Variants in QRICH2 observed in about 807,000 individuals in gnomAD.
The protein encoded by QRICH2 is glutamine rich 2.
In QRICH2, 119 loss-of-function variants were observed where a neutral mutation model predicts 168.3. That is an observed-to-expected ratio of 0.71 (90% CI 0.61 to 0.82). QRICH2 has a LOEUF of 0.82. QRICH2 is among the 40% of genes least tolerant of loss of function. The pLI is 0.00. For missense variants in QRICH2, 2,241 were observed against 2,491.6 expected, an observed-to-expected ratio of 0.90 and a Z score of 2.14; for synonymous variants, 894 against 951.2, an observed-to-expected ratio of 0.94 and a Z score of 1.11.
chr17:76,296,310 C>T (rs186619297), intron 3 of QRICH2, among the ~76,000 whole-genome samples: 61 of 152,256 alleles, frequency 4.0e-4, no homozygotes, highest in African/African-American at 1.4e-3. Flanking sequence ...AATCCCCAAG[C>T]GGTGGAGAAA....
chr17:76,294,170 G>C, intron 3 of QRICH2, 149 bp from the exon 4 acceptor site: 4 of 1,017,436 alleles, frequency 3.9e-6, no homozygotes, highest in Middle Eastern at 3.2e-4. Context: ...TTGACATAAA[G>C]AAACACACTG....
Position 76,293,652 on chromosome 17 carries a change from G to A in QRICH2, c.1075C>T (p.Pro359Ser), listed in dbSNP as rs779412384. 2 of 1,614,206 alleles carry A rather than the reference G, an allele frequency of 1.2e-6. No homozygotes were observed. Among genetic ancestry groups the A allele is most frequent in the East Asian group, 4.5e-5 (2 of 44,884 alleles). The change falls in exon 4 of 19, where the codon CCT becomes TCT. Residue 359 changes from proline (P) to serine (S), a missense_variant. Transcript: ENST00000680821. ...GGTAAGTCCTGTTGAACTGGACCAG[G>A]ACGTGCATTTCTTCTTGGTTGTGTC... ...TSTQPRRNAR[P>S]GPVQQDLPLA...
chr17:76,289,888 G>T, intron 5 of QRICH2, 104 bp downstream of exon 5: 1 of 699,592 alleles, frequency 1.4e-6, no homozygotes, highest in Admixed American at 2.1e-5. Flanking sequence ...GGAGGTGGAG[G>T]TTGAGTGAGC....
chr17:76,308,800 C>CA (rs1157687999), upstream of QRICH2, among the ~76,000 whole-genome samples: 9 of 152,096 alleles, frequency 5.9e-5, no homozygotes, highest in South Asian at 1.9e-3. Context: ...GGCTGTAGTG[C>CA]AATGGCACGA....
intron 12 of QRICH2, 116 bp downstream of exon 12, chr17:76,279,917 C>G (rs2070754934): frequency 7.8e-7 from 1 of 1,278,900 alleles, no homozygotes; most frequent in Non-Finnish European, 1.1e-6. Context: ...ATGGGACAGT[C>G]CTGGGCAGGA....
Position 76,279,428 on chromosome 17 carries a change from C to T in QRICH2, c.4749G>A (p.Arg1583=), listed in dbSNP as rs918230255. 6.2e-7 allele frequency: 1 copy of T among 1,610,018 alleles called. No individual in the cohort carries two copies. Among genetic ancestry groups the T allele is most frequent in the Non-Finnish European group, 8.5e-7 (1 of 1,178,240 alleles). Residue 1583 remains arginine (R), a splice_region_variant and synonymous_variant, in exon 13 of 19, where the codon AGG becomes AGA. Coordinates refer to ENST00000680821, the MANE Select transcript of QRICH2 (RefSeq NM_001388453.1). ...YQADEAAAMR[R]QLLAHFHCLS... ...GGCAGTGGAAATGTGCCAGGAGCTGCCTGTTAGGAATGGGACGCACACGCA... is the reference window on the plus strand; with the variant it reads ...GGCAGTGGAAATGTGCCAGGAGCTGTCTGTTAGGAATGGGACGCACACGCA...
Position 76,293,591 on chromosome 17 carries a change from C to T in QRICH2, c.1136G>A (p.Ser379Asn), listed in dbSNP as rs775048766. The change falls in exon 4 of 19, where the codon AGC (serine) becomes AAC (asparagine). Residue 379 changes from serine (S) to asparagine (N), a missense_variant. Coordinates refer to ENST00000680821, the MANE Select transcript of QRICH2 (RefSeq NM_001388453.1). ...ARDQPSSVPA[S>N]QSQVHLRPDR... Reference sequence around the variant, plus strand: ...TGGCCTTAGATGGACCTGACTCTGGCTAGCGGGCACACTACTGGGCTGGTC... The same window carrying T: ...TGGCCTTAGATGGACCTGACTCTGGTTAGCGGGCACACTACTGGGCTGGTC... 5 of 1,614,052 alleles carry T rather than the reference C, an allele frequency of 3.1e-6. No individual in the cohort carries two copies. In the African/African-American group the frequency reaches 5.3e-5, roughly 17 times the overall value.
At position 76,280,427 on chromosome 17, in the gene QRICH2, TG is replaced by T; in HGVS notation, c.4485del (p.Thr1496ProfsTer3). On this transcript the variant is annotated frameshift_variant, in exon 11 of 19. Transcript: ENST00000680821. LOFTEE classifies it high-confidence loss of function. This position sits in a 1 kb window ranked among gnomAD's most constrained non-coding sequence, Gnocchi z 7.4. ...IDVKADKSAL[A>X]TKVSRVQFDA... ...TCAAACTGGACACGGCTCACTTTGG[TG>T]GCCAGAGCACTCTTGTCGGCTTTCT... The T allele has an allele frequency of 6.2e-7, 1 of 1,614,086 alleles. No homozygotes were observed. Among genetic ancestry groups the T allele is most frequent in the Non-Finnish European group, 8.5e-7 (1 of 1,179,998 alleles).
At chr17:76,282,992 C>A (rs997092460) in intron 7 of QRICH2, among the ~76,000 whole-genome samples, 1 of 152,194 alleles carries the variant, frequency 6.6e-6, no homozygotes, top group Non-Finnish European at 1.5e-5. Context: ...CAGGTACCCA[C>A]AAAAGCAGAT....
chr17:76,289,653 G>A (rs1298477038), intron 5 of QRICH2, among the ~76,000 whole-genome samples: 1 of 152,060 alleles, frequency 6.6e-6, no homozygotes, highest in Non-Finnish European at 1.5e-5. Context: ...AAGACAAAGT[G>A]GGGGCTGGGC....
chr17:76,304,776 G>A, intron 2 of QRICH2, 106 bp downstream of exon 2: 2 of 868,394 alleles, frequency 2.3e-6, no homozygotes, highest in East Asian at 2.4e-5. Flanking sequence ...GAGAGGCAGA[G>A]GGCACACACT....
At chr17:76,275,718 C>T (rs2070662700) in intron 18 of QRICH2, 101 bp downstream of exon 18, 3 of 1,438,264 alleles carry the variant, frequency 2.1e-6, no homozygotes, top group East Asian at 2.4e-5. Flanking sequence ...CTCCCAGGCC[C>T]TCCCCTCTCC....
In QRICH2 at chr17:76,307,911, G is replaced by C. The variant is rs1401298291; in HGVS notation, c.88C>G (p.Leu30Val). Residue 30 changes from leucine to valine, a missense_variant, in exon 1 of 19, where the codon CTG (leucine) becomes GTG (valine). Leu to Val is a conservative substitution (Grantham distance 32). This residue lies in a region of QRICH2 where 2,047 missense variants were observed against 2,303.8 expected (regional missense o/e 0.89). Transcript: ENST00000680821. This position sits in a 1 kb window ranked among gnomAD's most constrained non-coding sequence, Gnocchi z 5.3. ...AGCATGGCCACGATGAGCGTGTGCAGGGCCGTGAAGTTGACGGCGCCCACC... is the reference window on the plus strand; with the variant it reads ...AGCATGGCCACGATGAGCGTGTGCACGGCCGTGAAGTTGACGGCGCCCACC... ...PEVGAVNFTA[L>V]HTLIVAMLKN... The C allele has an allele frequency of 1.6e-6, 2 of 1,241,558 alleles. No individual in the cohort carries two copies. Among genetic ancestry groups the C allele is most frequent in the Non-Finnish European group, 2.0e-6 (2 of 993,344 alleles). 76.9% of individuals were successfully genotyped at this position (1,241,558 alleles called of 1,614,324 possible).
At chr17:76,304,212 C>T (rs2070952184) in intron 3 of QRICH2, among the ~76,000 whole-genome samples, 1 of 152,224 alleles carries the variant, frequency 6.6e-6, no homozygotes, top group African/African-American at 2.4e-5. Context: ...AAATCACTAA[C>T]ACACATCCCT....
chr17:76,300,202 C>T (rs1032303846), intron 3 of QRICH2, among the ~76,000 whole-genome samples: 2 of 151,992 alleles, frequency 1.3e-5, no homozygotes, highest in African/African-American at 2.4e-5. Context: ...AGGGTGATGG[C>T]GGCAGACACC....
chr17:76,291,138 AT>A lies in QRICH2; in HGVS notation c.3588del (p.His1198IlefsTer2). The stretch of plus-strand genomic sequence containing the variant: ...CTACTGAGCTCTCCCATCAGATGAA[AT>A]GTCTCCACTGCCGTGGGGAAACTAG... ...MSSSFPTAVETFHLMGELSSL... is the reference protein window; with the variant it reads ...MSSSFPTAVEXFHLMGELSSL... On this transcript the variant is annotated frameshift_variant, in exon 4 of 19. Transcript: ENST00000680821. LOFTEE classifies it high-confidence loss of function. The A allele has an allele frequency of 1.2e-6, 2 of 1,614,112 alleles. No homozygotes were observed. The highest frequency in any genetic ancestry group is 1.7e-6 in the Non-Finnish European group (2 of 1,180,032).
intron 6 of QRICH2, 59 bp downstream of exon 6, chr17:76,287,741 T>G (rs1345691799): frequency 3.8e-6 from 5 of 1,326,468 alleles, no homozygotes; most frequent in Non-Finnish European, 5.5e-6. Flanking sequence ...CGCCATCACC[T>G]CCTTGGCTGA....
At chr17:76,299,541 A>G (rs1425405915) in intron 3 of QRICH2, among the ~76,000 whole-genome samples, 1 of 151,986 alleles carries the variant, frequency 6.6e-6, no homozygotes, top group East Asian at 1.9e-4. Flanking sequence ...GTTCGAGCCC[A>G]GCCTGGACAA....
intron 3 of QRICH2, among the ~76,000 whole-genome samples, chr17:76,296,865 C>T (rs1405132374): frequency 3.3e-5 from 5 of 152,118 alleles, no homozygotes; most frequent in Middle Eastern, 3.4e-3. Flanking sequence ...GGATCCCCTC[C>T]GAGTGATGAG....
Sources: gnomAD v4.1 joint callset for allele counts (sites outside exome capture counted in the v4.1 genomes callset) on GRCh38, gnomAD v4.1.1 for gene constraint, gnomAD v4.1.1 regional missense constraint, Gnocchi (gnomAD v3.1) non-coding constraint, MANE v1.5 for transcripts, NCBI Gene and HGNC (gene_info 2026-07-23, HGNC 2026-07-21) for gene names.